Variants in ASCC3 observed in about 807,000 individuals in gnomAD.
ASCC3 encodes ASC-1 complex subunit P200.
Under a neutral mutation model 256.3 loss-of-function variants are expected in ASCC3, and 158 were observed. That is an observed-to-expected ratio of 0.62 (90% CI 0.54 to 0.70). The LOEUF (loss-of-function observed/expected upper bound fraction) is 0.70. Ranked by LOEUF, ASCC3 falls within the 30% of genes least tolerant of loss-of-function variation. The pLI is 0.00. For synonymous variants in ASCC3, 948 were observed against 883.4 expected (o/e 1.07, Z -1.30); for missense variants, 2,259 against 2,626.0 (o/e 0.86, Z 3.05).
At chr6:100,767,957 G>A (rs1469506901) in intron 8 of ASCC3, among the ~76,000 whole-genome samples, 1 of 151,946 alleles carries the variant, frequency 6.6e-6, no homozygotes, top group African/African-American at 2.4e-5. Flanking sequence ...AATTAGTAAT[G>A]TAAGAAAACA....
chr6:100,539,450 G>C (rs1775333330), intron 37 of ASCC3, among the ~76,000 whole-genome samples: 1 of 152,020 alleles, frequency 6.6e-6, no homozygotes, highest in Non-Finnish European at 1.5e-5. Flanking sequence ...AAATCTAGTT[G>C]ATCTCTTAAG....
chr6:100,740,075 A>G (rs774437416), intron 10 of ASCC3, among the ~76,000 whole-genome samples: 3 of 152,190 alleles, frequency 2.0e-5, no homozygotes, highest in Non-Finnish European at 4.4e-5. Context: ...ATTTAGTACT[A>G]TAAATTTCCC....
In ASCC3 at chr6:100,631,193, T is replaced by C; in HGVS notation, c.4143A>G (p.Leu1381=). Residue 1381 remains leucine, a synonymous_variant, in exon 26 of 42, where the codon CTA becomes CTG. Transcript: ENST00000369162. ...PTSKAVYIAP[L]KALVRERMDD... ...CCATTCTTTCACGTACTAGGGCTTT[T>C]AGGGGTGCAATATATACCGCCTAAA... 1.2e-6 allele frequency: 2 copies of C among 1,612,426 alleles called. No homozygotes were observed. The highest frequency in any genetic ancestry group is 1.7e-6 in the Non-Finnish European group (2 of 1,178,840).
intron 13 of ASCC3, among the ~76,000 whole-genome samples, chr6:100,682,284 G>T (rs1777346514): frequency 6.6e-6 from 1 of 152,052 alleles, no homozygotes; most frequent in African/African-American, 2.4e-5. Context: ...TGATAAAACT[G>T]CCATGAAAAC....
chr6:100,531,458 C>T (rs1382180408), intron 37 of ASCC3, among the ~76,000 whole-genome samples: 2 of 152,102 alleles, frequency 1.3e-5, no homozygotes, highest in Non-Finnish European at 2.9e-5. Context: ...TTTATAAGAA[C>T]TTCTTAAACT....
intron 8 of ASCC3, among the ~76,000 whole-genome samples, chr6:100,771,877 T>G (rs146991736): frequency 0.032 from 4,263 of 134,656 alleles, 208 homozygotes; most frequent in African/African-American, 0.052. Context: ...TTTTTTTTTT[T>G]TTTTTTTTTT....
chr6:100,762,401 G>A (rs1298036931), intron 10 of ASCC3, among the ~76,000 whole-genome samples: 1 of 152,170 alleles, frequency 6.6e-6, no homozygotes, highest in African/African-American at 2.4e-5. Flanking sequence ...CCACTGAAAA[G>A]TACAGTGAAC....
At position 100,644,060 on chromosome 6, in the gene ASCC3, A is replaced by G; in HGVS notation, c.3703T>C (p.Ser1235Pro). Residue 1235 changes from serine (S) to proline (P), a missense_variant, in exon 23 of 42, where the codon TCA becomes CCA. Physicochemically the swap from Ser to Pro is moderately conservative, Grantham distance 74. Around this residue, in one of 2 missense-constraint regions of ASCC3, gnomAD observed 1,839 missense variants for 2,206.7 expected, o/e 0.83. Transcript: ENST00000369162. ...EDPTNDHIYH[S>P]EYFLALKKQV... The stretch of plus-strand genomic sequence containing the variant: ...TTTTTTAGAGCTAGAAAATACTCTG[A>G]ATGATAAATATGATCATTTGTAGGA... The G allele has an allele frequency of 6.2e-7, 1 of 1,612,584 alleles. No homozygotes were observed. The highest frequency in any genetic ancestry group is 2.2e-5 in the East Asian group (1 of 44,726).
intron 3 of ASCC3, 101 bp downstream of exon 3, chr6:100,863,963 A>G (rs999145551): frequency 9.8e-6 from 11 of 1,120,950 alleles, no homozygotes; most frequent in Admixed American, 5.7e-5. Flanking sequence ...GATGCCAGGA[A>G]ATTTTAGCTT....
intron 36 of ASCC3, among the ~76,000 whole-genome samples, chr6:100,564,554 C>T (rs1770129929): frequency 6.6e-6 from 1 of 152,112 alleles, no homozygotes; most frequent in East Asian, 1.9e-4. Context: ...GCAGCATATT[C>T]CAGATATGCT....
At chr6:100,662,213 TTC>T in intron 15 of ASCC3, 130 bp downstream of exon 15, 1 of 1,149,056 alleles carries the variant, frequency 8.7e-7, no homozygotes, top group Non-Finnish European at 1.2e-6. Flanking sequence ...GAGAAAATAA[TTC>T]TGACCTTTTA....
chr6:100,822,617 T>C (rs1322823370), intron 4 of ASCC3, among the ~76,000 whole-genome samples: 1 of 151,840 alleles, frequency 6.6e-6, no homozygotes, highest in Non-Finnish European at 1.5e-5. Flanking sequence ...GTGAGTGAGA[T>C]ACAACCTCTG....
chr6:100,552,574 T>C (rs1769351613), intron 36 of ASCC3, among the ~76,000 whole-genome samples: 1 of 152,016 alleles, frequency 6.6e-6, no homozygotes, highest in African/African-American at 2.4e-5. Flanking sequence ...CAATCTCCAA[T>C]TAGGTTTCTT....
chr6:100,796,608 C>T (rs116628594), intron 8 of ASCC3, among the ~76,000 whole-genome samples: 2,974 of 152,152 alleles, frequency 0.02, 90 homozygotes, highest in African/African-American at 0.069. Context: ...TTCATACACA[C>T]ATAGAGAAGA....
At chr6:100,623,465 A>G (rs1332166811) in intron 30 of ASCC3, among the ~76,000 whole-genome samples, 3 of 152,192 alleles carry the variant, frequency 2.0e-5, no homozygotes, top group Non-Finnish European at 4.4e-5. Flanking sequence ...TACATACAGT[A>G]CTATCTAACA....
At chr6:100,857,926 G>C (rs1258379842) in intron 3 of ASCC3, 6 of 151,022 alleles carry the variant, frequency 4.0e-5, no homozygotes, top group Admixed American at 2.0e-4. Context: ...GACTGTGCCT[G>C]GGATAGCACT....
chr6:100,803,418 CT>C (rs1409323264), intron 5 of ASCC3, among the ~76,000 whole-genome samples: 1 of 152,136 alleles, frequency 6.6e-6, no homozygotes, highest in Non-Finnish European at 1.5e-5. Context: ...ATATTTCTCT[CT>C]CCTGCCACCA....
intron 4 of ASCC3, among the ~76,000 whole-genome samples, chr6:100,835,410 A>G (rs943837943): frequency 6.6e-6 from 1 of 152,098 alleles, no homozygotes; most frequent in African/African-American, 2.4e-5. Flanking sequence ...ATCATTTCAG[A>G]TATCAGTTAA....
chr6:100,698,966 C>A (rs1031970720), intron 13 of ASCC3, among the ~76,000 whole-genome samples: 7 of 152,146 alleles, frequency 4.6e-5, no homozygotes, highest in African/African-American at 1.7e-4. Context: ...ATGCCAAGTG[C>A]TGGTGAGGCC....
Sources: allele counts gnomAD v4.1 joint callset (sites outside exome capture counted in the v4.1 genomes callset), GRCh38; gene constraint gnomAD v4.1.1; regional missense constraint gnomAD v4.1.1; transcripts MANE v1.5; gene names NCBI Gene and HGNC (gene_info 2026-07-23, HGNC 2026-07-21).